SMYD3: variants seen among roughly 807,000 people sequenced by gnomAD.
The protein encoded by SMYD3 is SET and MYND domain containing 3, also known as histone-lysine N-methyltransferase SMYD3.
In SMYD3, 36 loss-of-function variants were observed where a neutral mutation model predicts 57.7. The observed-to-expected ratio is 0.62, with a 90% confidence interval of 0.48 to 0.82. The LOEUF (loss-of-function observed/expected upper bound fraction) is 0.82. SMYD3 is among the 40% of genes least tolerant of loss of function. The probability of loss-of-function intolerance (pLI) is 0.00; values close to 1 mark genes in which losing one functional copy is unlikely to be tolerated. For missense variants in SMYD3, 515 were observed against 538.8 expected (o/e 0.96, Z 0.44); for synonymous variants, 211 against 195.0 (o/e 1.08, Z -0.68).
chr1:245,804,502 G>C (rs1426346068), intron 10 of SMYD3, among the ~76,000 whole-genome samples: 2 of 152,090 alleles, frequency 1.3e-5, no homozygotes, highest in Non-Finnish European at 2.9e-5. Context: ...AGCTTGCATT[G>C]AGCTGAGATT....
intron 10 of SMYD3, among the ~76,000 whole-genome samples, chr1:245,822,040 T>C (rs2049189806): frequency 1.3e-5 from 2 of 152,114 alleles, no homozygotes; most frequent in South Asian, 2.1e-4. Flanking sequence ...AGTCATGCCA[T>C]TACTGGGTAT....
intron 2 of SMYD3, among the ~76,000 whole-genome samples, chr1:246,352,368 G>A (rs2065845439): frequency 6.6e-6 from 1 of 152,114 alleles, no homozygotes; most frequent in Admixed American, 6.5e-5. Context: ...TACATCCTCT[G>A]TTTCAATTTC....
At chr1:245,930,347 C>T in intron 5 of SMYD3, 2 of 356,500 alleles carry the variant, frequency 5.6e-6, no homozygotes, top group Non-Finnish European at 1.1e-5. Flanking sequence ...CCAAATGCCA[C>T]TGTGTATCTG....
chr1:246,072,130 T>G (rs1015062491), intron 5 of SMYD3, among the ~76,000 whole-genome samples: 1 of 138,104 alleles, frequency 7.2e-6, no homozygotes, highest in Non-Finnish European at 1.5e-5. Flanking sequence ...GTGTTAGTTC[T>G]GGGGAGGGAT....
chr1:246,079,463 T>C (rs1261035334), intron 5 of SMYD3, among the ~76,000 whole-genome samples: 3 of 152,238 alleles, frequency 2.0e-5, no homozygotes, highest in African/African-American at 7.2e-5. Flanking sequence ...CTAACTTGTT[T>C]CCCATCCAAA....
intron 5 of SMYD3, among the ~76,000 whole-genome samples, chr1:246,243,852 T>G (rs1441264434): frequency 6.6e-6 from 1 of 151,712 alleles, no homozygotes; most frequent in African/African-American, 2.4e-5. Flanking sequence ...TAGAAAGAAA[T>G]AACATTCTAC....
At chr1:245,953,134 G>T in intron 5 of SMYD3, 1 of 745,488 alleles carries the variant, frequency 1.3e-6, no homozygotes, top group Non-Finnish European at 1.7e-6. Flanking sequence ...TTTGGGTAAA[G>T]TGTTATTTCC....
intron 10 of SMYD3, among the ~76,000 whole-genome samples, chr1:245,798,511 G>T (rs1230232680): frequency 9.2e-6 from 1 of 108,430 alleles, no homozygotes; most frequent in Non-Finnish European, 1.9e-5. Flanking sequence ...CACACCTTGA[G>T]CCTTCCCCAT....
chr1:245,871,052 A>G (rs1019239643), intron 8 of SMYD3, among the ~76,000 whole-genome samples: 6 of 152,242 alleles, frequency 3.9e-5, no homozygotes, highest in Admixed American at 6.5e-5. Flanking sequence ...GAGATGGAGT[A>G]TAGGATGAAA....
intron 1 of SMYD3, among the ~76,000 whole-genome samples, chr1:246,451,809 T>A (rs1047243579): frequency 5.3e-5 from 8 of 152,266 alleles, no homozygotes. Context: ...AAAGTAGTTT[T>A]TTTTAGTCAA....
At chr1:245,803,862 A>C (rs1337333904) in intron 10 of SMYD3, among the ~76,000 whole-genome samples, 1 of 151,944 alleles carries the variant, frequency 6.6e-6, no homozygotes, top group Admixed American at 6.6e-5. Flanking sequence ...CCCTGGATCC[A>C]ACCAGGCTTG....
intron 8 of SMYD3, among the ~76,000 whole-genome samples, chr1:245,909,509 CACA>C (rs1473446362): frequency 2.6e-5 from 4 of 151,894 alleles, no homozygotes; most frequent in Non-Finnish European, 5.9e-5. Flanking sequence ...TAGACAAAGG[CACA>C]ACAACAAAAA....
chr1:246,316,596 G>T (rs1366295608), intron 5 of SMYD3, among the ~76,000 whole-genome samples: 2 of 139,526 alleles, frequency 1.4e-5, no homozygotes, highest in Non-Finnish European at 3.0e-5. Flanking sequence ...GCCCAGGATG[G>T]TCTTGAACTC....
chr1:246,409,717 T>G (rs2102982731), intron 1 of SMYD3, among the ~76,000 whole-genome samples: 1 of 152,286 alleles, frequency 6.6e-6, no homozygotes, highest in African/African-American at 2.4e-5. Flanking sequence ...GTGAAGAAAG[T>G]CATTGGTAGC....
intron 5 of SMYD3, among the ~76,000 whole-genome samples, chr1:245,997,990 C>G (rs1409068666): frequency 2.0e-5 from 3 of 152,194 alleles, no homozygotes; most frequent in Non-Finnish European, 4.4e-5. Flanking sequence ...CACTGAGAGG[C>G]TGGACAATAA....
intron 5 of SMYD3, among the ~76,000 whole-genome samples, chr1:246,161,587 T>G (rs1400124603): frequency 5.3e-5 from 8 of 152,228 alleles, no homozygotes; most frequent in Non-Finnish European, 1.5e-5. Context: ...ATTATTAATT[T>G]ACTTTTCTTT....
chr1:246,218,919 G>C (rs2063208905), intron 5 of SMYD3, among the ~76,000 whole-genome samples: 1 of 152,150 alleles, frequency 6.6e-6, no homozygotes, highest in African/African-American at 2.4e-5. Context: ...CTGTGGTAAG[G>C]AAATGACCAA....
intron 5 of SMYD3, among the ~76,000 whole-genome samples, chr1:246,054,769 C>T (rs1016332355): frequency 1.3e-5 from 2 of 149,848 alleles, no homozygotes; most frequent in African/African-American, 2.5e-5. Flanking sequence ...ATATAGATGG[C>T]CATTTTTATG....
At chr1:246,440,965 G>T (rs2067453828) in intron 1 of SMYD3, among the ~76,000 whole-genome samples, 2 of 152,154 alleles carry the variant, frequency 1.3e-5, no homozygotes, top group Non-Finnish European at 2.9e-5. Flanking sequence ...CTGCTTGGTT[G>T]AAGGCCACTG....
Sources: gnomAD v4.1 joint callset for allele counts (sites outside exome capture counted in the v4.1 genomes callset) on GRCh38, gnomAD v4.1.1 for gene constraint, MANE v1.5 for transcripts, NCBI Gene and HGNC (gene_info 2026-07-23, HGNC 2026-07-21) for gene names.